The following ARID4A variants were observed in gnomAD, a reference collection of about 807,000 sequenced individuals.
ARID4A encodes AT-rich interaction domain 4A.
A neutral mutation model predicts 148.6 loss-of-function variants in ARID4A; 39 were observed. That is an observed-to-expected ratio of 0.26 (90% CI 0.20 to 0.34). ARID4A has a LOEUF of 0.34. Among genes scored for constraint, ARID4A ranks in the 10% least tolerant of loss-of-function variants. ARID4A has a pLI of 1.00. For missense variants in ARID4A, 1,265 were observed against 1,449.1 expected (o/e 0.87, Z 2.06); for synonymous variants, 475 against 481.2 (o/e 0.99, Z 0.17).
chr14:58,352,832 T>A (rs2034699990), intron 16 of ARID4A, among the ~76,000 whole-genome samples: 1 of 152,158 alleles, frequency 6.6e-6, no homozygotes, highest in African/African-American at 2.4e-5. Context: ...ATACACAATA[T>A]TTTATTATAA....
intron 16 of ARID4A, 52 bp downstream of exon 16, chr14:58,351,375 C>T (rs932604104): frequency 3.9e-6 from 6 of 1,547,674 alleles, no homozygotes; most frequent in Non-Finnish European, 5.2e-6. Flanking sequence ...GGTACAACAG[C>T]GCTTTGTTCC....
At chr14:58,301,194 T>G (rs1223480636) in intron 2 of ARID4A, among the ~76,000 whole-genome samples, 1 of 152,224 alleles carries the variant, frequency 6.6e-6, no homozygotes, top group South Asian at 2.1e-4. Context: ...GCAATATTTC[T>G]TTTAATTTGA....
chr14:58,365,146 A>G lies in ARID4A; in HGVS notation c.3057A>G (p.Val1019=), dbSNP rs1416646335. The G allele has an allele frequency of 1.9e-6, 3 of 1,614,026 alleles. No individual in the cohort carries two copies. The African/African-American group carries it at 4.0e-5, about 22-fold the overall frequency. Residue 1019 remains valine (V), a synonymous_variant, in exon 20 of 24, where the codon GTA becomes GTG. Transcript: ENST00000355431. ...TTAGTCAAGATGAGTCTCGAAGCGT[A>G]AAAAGTGAGAGTGATATAACGATTG... is the stretch of plus-strand genomic sequence containing the variant. ...LTLSQDESRS[V]KSESDITIEV...
chr14:58,356,976 G>T (rs183977898), intron 17 of ARID4A, among the ~76,000 whole-genome samples: 3 of 152,292 alleles, frequency 2.0e-5, no homozygotes, highest in Admixed American at 2.0e-4. Context: ...TGGGATTACA[G>T]GCGTGAGCCA....
At chr14:58,337,268 A>ATATAT (rs1422819457) in intron 11 of ARID4A, among the ~76,000 whole-genome samples, 2 of 133,902 alleles carry the variant, frequency 1.5e-5, no homozygotes, top group South Asian at 2.3e-4. Flanking sequence ...ATATATATAT[A>ATATAT]ATTAAAACCG....
intron 8 of ARID4A, among the ~76,000 whole-genome samples, chr14:58,326,934 A>G (rs2033248879): frequency 6.6e-6 from 1 of 152,098 alleles, no homozygotes; most frequent in Non-Finnish European, 1.5e-5. Context: ...TTGCCCCTCC[A>G]GTATACTGTT....
chr14:58,324,572 T>A (rs2033113146), intron 8 of ARID4A, among the ~76,000 whole-genome samples: 1 of 152,234 alleles, frequency 6.6e-6, no homozygotes, highest in African/African-American at 2.4e-5. Context: ...TGAGCTGGTA[T>A]GCCTGGCTGA....
chr14:58,318,947 G>GGAATAATTA, intron 7 of ARID4A, 142 bp downstream of exon 7: 1 of 629,368 alleles, frequency 1.6e-6, no homozygotes, highest in Non-Finnish European at 2.7e-6. Context: ...ACCCTGAGTG[G>GGAATAATTA]ACCTTGTTCT....
chr14:58,365,489 T>TTTAAA, intron 20 of ARID4A, 29 bp from the exon 21 acceptor site: 3 of 985,674 alleles, frequency 3.0e-6, no homozygotes, highest in Non-Finnish European at 4.3e-6. Flanking sequence ...TTTTTTTTTT[T>TTTAAA]CAACATTCTC....
At chr14:58,362,314 T>C (rs8008129) in intron 19 of ARID4A, among the ~76,000 whole-genome samples, 53,527 of 151,802 alleles carry the variant, frequency 0.35, 9,607 homozygotes, top group East Asian at 0.52. Context: ...TTAGGCTGAG[T>C]GCAGTGGTTC....
chr14:58,317,182 G>C (rs1422188505), intron 5 of ARID4A, among the ~76,000 whole-genome samples: 3 of 134,506 alleles, frequency 2.2e-5, no homozygotes, highest in African/African-American at 8.3e-5. Flanking sequence ...GACAGAGTGA[G>C]ACTCAGTCTC....
At chr14:58,325,856 GT>G (rs34825418) in intron 8 of ARID4A, among the ~76,000 whole-genome samples, 67 of 144,958 alleles carry the variant, frequency 4.6e-4, no homozygotes, top group East Asian at 6.0e-4. Flanking sequence ...TTTGCCAAGA[GT>G]TTTTTTTTTT....
chr14:58,348,279 A>G (rs1026017338), intron 15 of ARID4A, among the ~76,000 whole-genome samples: 4 of 151,976 alleles, frequency 2.6e-5, no homozygotes, highest in Admixed American at 6.6e-5. Flanking sequence ...GTGATTATCT[A>G]TTTTGCCCCA....
intron 20 of ARID4A, 94 bp downstream of exon 20, chr14:58,365,394 T>TTTTC (rs1366274503): frequency 2.3e-5 from 33 of 1,449,482 alleles, no homozygotes; most frequent in South Asian, 4.2e-5. Context: ...AGTACTTTCT[T>TTTTC]TTTCTTTTCT....
At chr14:58,360,835 A>G (rs3736891) in intron 18 of ARID4A, 66 bp from the exon 19 acceptor site, 1 of 1,508,636 alleles carries the variant, frequency 6.6e-7, no homozygotes, top group East Asian at 2.3e-5. Flanking sequence ...TTTTCTTTGG[A>G]TAAGTAGAAT....
chr14:58,300,627 G>C (rs982215938), intron 2 of ARID4A, among the ~76,000 whole-genome samples: 2 of 151,902 alleles, frequency 1.3e-5, no homozygotes, highest in African/African-American at 2.4e-5. Context: ...AAACTTTCTC[G>C]TGGTTTTCTA....
At chr14:58,361,683 C>T (rs2035138597) in intron 19 of ARID4A, among the ~76,000 whole-genome samples, 1 of 152,170 alleles carries the variant, frequency 6.6e-6, no homozygotes, top group Non-Finnish European at 1.5e-5. Flanking sequence ...TTTCAGTCTC[C>T]ACCTACGATG....
chr14:58,370,617 G>A (rs558851053), intron 23 of ARID4A, among the ~76,000 whole-genome samples: 14 of 151,152 alleles, frequency 9.3e-5, no homozygotes, highest in South Asian at 6.3e-4. Flanking sequence ...TTTTATTACC[G>A]TCTTTTTTGT....
chr14:58,366,356 G>A (rs1039617667), intron 22 of ARID4A, 126 bp downstream of exon 22: 1 of 770,662 alleles, frequency 1.3e-6, no homozygotes, highest in Non-Finnish European at 2.0e-6. Flanking sequence ...TCCAAATATT[G>A]CCTTAGCAAG....
Sources: allele counts gnomAD v4.1 joint callset (sites outside exome capture counted in the v4.1 genomes callset), GRCh38; gene constraint gnomAD v4.1.1; transcripts MANE v1.5; gene names NCBI Gene and HGNC (gene_info 2026-07-23, HGNC 2026-07-21).